Variants in ICE1 observed in about 807,000 individuals in gnomAD.
ICE1 encodes the protein interactor of little elongation complex ELL subunit 1, also known as little elongation complex subunit 1.
Under a neutral mutation model 192.7 loss-of-function variants are expected in ICE1, and 64 were observed. The observed-to-expected ratio is 0.33, with a 90% confidence interval of 0.27 to 0.41. The LOEUF (loss-of-function observed/expected upper bound fraction) is 0.41, where lower values mean the gene tolerates loss of function less well. Among genes scored for constraint, ICE1 ranks in the 10% least tolerant of loss-of-function variants. ICE1 has a pLI of 1.00. For synonymous variants in ICE1, 1,010 were observed against 984.5 expected (o/e 1.03, Z -0.49); for missense variants, 2,708 against 2,696.0 (o/e 1.00, Z -0.10).
intron 15 of ICE1, among the ~76,000 whole-genome samples, chr5:5,469,700 T>C (rs1370172164): frequency 2.0e-5 from 3 of 152,224 alleles, no homozygotes; most frequent in East Asian, 1.9e-4. Context: ...TTTTTTATTA[T>C]TACTTTTGAT....
At chr5:5,465,250 T>C (rs1331871860) in intron 13 of ICE1, 24 bp downstream of exon 13, 5 of 1,464,212 alleles carry the variant, frequency 3.4e-6, no homozygotes, top group Non-Finnish European at 4.6e-6. Flanking sequence ...CTTTTCTAAG[T>C]GCATTAGGGA....
At chr5:5,487,778 C>T (rs1346236500) in intron 18 of ICE1, among the ~76,000 whole-genome samples, 3 of 152,190 alleles carry the variant, frequency 2.0e-5, no homozygotes, top group Non-Finnish European at 2.9e-5. Context: ...TGGTAATCCT[C>T]GTCCCCATGA....
At chr5:5,454,422 G>A (rs976211453) in intron 10 of ICE1, 130 bp from the exon 11 acceptor site, 5 of 612,540 alleles carry the variant, frequency 8.2e-6, no homozygotes, top group Non-Finnish European at 1.5e-5. Context: ...GTGCACAATG[G>A]TTGAGTTTGG....
intron 1 of ICE1, among the ~76,000 whole-genome samples, chr5:5,423,816 C>T (rs1243942279): frequency 6.6e-6 from 1 of 152,170 alleles, no homozygotes; most frequent in African/African-American, 2.4e-5. Context: ...CCTACTCTGC[C>T]TAGTGTTCTA....
chr5:5,441,004 T>A (rs1164567258), intron 4 of ICE1, 108 bp from the exon 5 acceptor site: 8 of 657,500 alleles, frequency 1.2e-5, no homozygotes, highest in Non-Finnish European at 1.8e-5. Flanking sequence ...GACTTTTTCA[T>A]CCTTTTTTTT....
chr5:5,459,122 C>G (rs2111373691), intron 12 of ICE1, among the ~76,000 whole-genome samples: 1 of 152,272 alleles, frequency 6.6e-6, no homozygotes, highest in East Asian at 1.9e-4. Context: ...ATCTGCCTGC[C>G]TCGGCCTCCC....
chr5:5,423,633 A>C (rs1287511142), intron 1 of ICE1, among the ~76,000 whole-genome samples: 1 of 152,194 alleles, frequency 6.6e-6, no homozygotes, highest in East Asian at 1.9e-4. Flanking sequence ...TCTTCTTTAG[A>C]GTGACATAAG....
At chr5:5,443,987 A>G (rs1266480710) in intron 6 of ICE1, among the ~76,000 whole-genome samples, 1 of 152,192 alleles carries the variant, frequency 6.6e-6, no homozygotes, top group Non-Finnish European at 1.5e-5. Context: ...GAGACCATCT[A>G]GAAACTTCAG....
intron 11 of ICE1, among the ~76,000 whole-genome samples, chr5:5,456,634 G>T (rs1217452238): frequency 6.6e-6 from 1 of 151,754 alleles, no homozygotes; most frequent in East Asian, 1.9e-4. Context: ...TTCCATCTCT[G>T]CTTGGATTTT....
rs1358581339 is a variant in ICE1, at chr5:5,443,193, C to T, written c.335C>T (p.Thr112Ile). The part of the protein sequence containing the change: ...KKSSLKLYQD[T>I]HQEYARVKEE... ...AGTTCTTTAAAGTTGTATCAGGATA[C>T]TCATCAGGAATATGCTCGTGTAAAG... Residue 112 changes from threonine to isoleucine, a missense_variant, in exon 6 of 19, where the codon ACT becomes ATT. Thr to Ile is a moderately conservative substitution (Grantham distance 89). Around this residue, in one of 2 missense-constraint regions of ICE1, gnomAD observed 2,366 missense variants for 2,276.6 expected, o/e 1.04. Transcript: ENST00000296564. 1 of 1,507,954 alleles carries T rather than the reference C, an allele frequency of 6.6e-7. No homozygotes were observed. The highest frequency in any genetic ancestry group is 8.9e-7 in the Non-Finnish European group (1 of 1,123,312). The allele number at this position is 1,507,954 out of a possible 1,614,324, so 93.4% of individuals were successfully genotyped here. A position where few individuals can be genotyped will look rare whatever the true frequency, so the allele number is the denominator to read the frequency against.
intron 18 of ICE1, among the ~76,000 whole-genome samples, chr5:5,488,793 G>A (rs1022016525): frequency 2.6e-5 from 4 of 152,102 alleles, no homozygotes; most frequent in South Asian, 2.1e-4. Context: ...TTAGGATCAC[G>A]TTTTATTAAA....
chr5:5,423,027 C>CGG lies in ICE1; in HGVS notation c.84+35_84+36dup, dbSNP rs556531306. The stretch of plus-strand genomic sequence containing the variant: ...GCAGCACCTCCCGGGGCCCCGGGCG[C>CGG]GGGGGGGGACTCGGCTCGGCCGGCC... On this transcript the variant is annotated intron_variant, in intron 1 of 18. Coordinates refer to ENST00000296564, the MANE Select transcript of ICE1 (RefSeq NM_015325.3). 35 of 1,313,706 alleles carry CGG rather than the reference C, an allele frequency of 2.7e-5. No individual in the cohort carries two copies. The East Asian group carries it at 9.8e-4, about 37-fold the overall frequency. 81.4% of individuals were successfully genotyped at this position (1,313,706 alleles called of 1,614,324 possible). A position where few individuals can be genotyped will look rare whatever the true frequency, so the allele number is the denominator to read the frequency against.
At chr5:5,458,259 T>C (rs961122282) in intron 12 of ICE1, among the ~76,000 whole-genome samples, 11 of 152,242 alleles carry the variant, frequency 7.2e-5, no homozygotes, top group African/African-American at 1.2e-4. Flanking sequence ...GGAACAGATA[T>C]GTGTTTTGCT....
In ICE1 at chr5:5,436,467, T is replaced by G. The variant is rs761931936; in HGVS notation, c.134T>G (p.Ile45Ser). 1 of 1,482,300 alleles carries G rather than the reference T, an allele frequency of 6.7e-7. No individual in the cohort carries two copies. Among genetic ancestry groups the G allele is most frequent in the Admixed American group, 2.4e-5 (1 of 41,582 alleles). 91.8% of individuals were successfully genotyped at this position (1,482,300 alleles called of 1,614,324 possible). Residue 45 changes from isoleucine to serine, a missense_variant, in exon 2 of 19, where the codon ATC becomes AGC. Physicochemically the swap from Ile to Ser is moderately radical, Grantham distance 142. Transcript: ENST00000296564. ...TTAATTACCTTGAAACAAAAAATTA[T>G]CAATACAGAGTAAGTATATTTGCAT... Reference protein sequence around the residue: ...EALITLKQKIINTDNLLTEYQ... With the variant: ...EALITLKQKISNTDNLLTEYQ...
At position 5,464,282 on chromosome 5, in the gene ICE1, C is replaced by T; in HGVS notation, c.4948C>T (p.Leu1650=). Residue 1650 remains leucine (L), a synonymous_variant, in exon 13 of 19, where the codon CTG becomes TTG. Coordinates refer to ENST00000296564, the MANE Select transcript of ICE1 (RefSeq NM_015325.3). The surrounding 1 kb of genome is among the most constrained non-coding windows in gnomAD (Gnocchi z 4.0). ...IATPPRTSQP[L]SPLISSSSPS... ...TACACCTCCAAGGACTTCACAGCCA[C>T]TGTCTCCACTGATATCGAGTTCTAG... The T allele has an allele frequency of 6.2e-7, 1 of 1,613,644 alleles. No homozygotes were observed. Among genetic ancestry groups the T allele is most frequent in the Non-Finnish European group, 8.5e-7 (1 of 1,179,828 alleles).
At position 5,439,382 on chromosome 5, in the gene ICE1, C is replaced by A. The variant is rs899970185; in HGVS notation, c.179-513C>A. On this transcript the variant is annotated intron_variant, in intron 3 of 18. Transcript: ENST00000296564. ...TTGCTATCTTAGAATATTTTACTAG[C>A]AGTATGAGATGGTAAAATAAGGTTA... Among the ~76,000 whole-genome samples the A allele has an allele frequency of 2.6e-5, 4 of 152,106 alleles. No individual in the cohort carries two copies. In the East Asian group the frequency reaches 7.7e-4, roughly 29 times the overall value.
chr5:5,465,253 A>G lies in ICE1; in HGVS notation c.5892+27A>G, dbSNP rs1438626256. On this transcript the variant is annotated intron_variant, in intron 13 of 18. Coordinates refer to ENST00000296564, the MANE Select transcript of ICE1 (RefSeq NM_015325.3). ...TATGTGGCTGCTCTTTTCTAAGTGC[A>G]TTAGGGATTACATGTCCTCAAAGAC... 13 of 1,461,718 alleles carry G rather than the reference A, an allele frequency of 8.9e-6. No individual in the cohort carries two copies. The South Asian group carries it at 1.4e-4, about 16-fold the overall frequency. The allele number at this position is 1,461,718 out of a possible 1,614,324, so 90.5% of individuals were successfully genotyped here. A position where few individuals can be genotyped will look rare whatever the true frequency, so the allele number is the denominator to read the frequency against.
intron 14 of ICE1, 52 bp downstream of exon 14, chr5:5,466,554 C>A: frequency 7.0e-7 from 1 of 1,432,700 alleles, no homozygotes; most frequent in Non-Finnish European, 9.6e-7. Context: ...TTGCCTTTTT[C>A]CCTTATACTG....
At chr5:5,443,401 A>C (rs1385397452) in intron 6 of ICE1, among the ~76,000 whole-genome samples, 157 bp downstream of exon 6, 1 of 152,004 alleles carries the variant, frequency 6.6e-6, no homozygotes, top group Non-Finnish European at 1.5e-5. Flanking sequence ...CTTGGTTTCC[A>C]CATCTGTAAA....
Sources: gnomAD v4.1 joint callset for allele counts (sites outside exome capture counted in the v4.1 genomes callset) on GRCh38, gnomAD v4.1.1 for gene constraint, gnomAD v4.1.1 regional missense constraint, Gnocchi (gnomAD v3.1) non-coding constraint, MANE v1.5 for transcripts, NCBI Gene and HGNC (gene_info 2026-07-23, HGNC 2026-07-21) for gene names.